The following SCAI variants were observed in gnomAD, a reference collection of about 807,000 sequenced individuals.
The protein encoded by SCAI is protein SCAI.
In SCAI, 24 loss-of-function variants were observed where a neutral mutation model predicts 92.2. The ratio of observed to expected loss-of-function variants is 0.26; its 90% CI spans 0.19 to 0.37. The LOEUF (loss-of-function observed/expected upper bound fraction) is 0.37. Ranked by LOEUF, SCAI falls within the 10% of genes least tolerant of loss-of-function variation. The probability of loss-of-function intolerance (pLI) is 1.00; values close to 1 mark genes in which losing one functional copy is unlikely to be tolerated. For missense variants in SCAI, 450 were observed against 736.2 expected, an observed-to-expected ratio of 0.61 and a Z score of 4.50; for synonymous variants, 261 against 258.6, an observed-to-expected ratio of 1.01 and a Z score of -0.09.
chr9:125,073,809 G>A (rs1481422362), intron 2 of SCAI, among the ~76,000 whole-genome samples: 1 of 152,130 alleles, frequency 6.6e-6, no homozygotes, highest in Non-Finnish European at 1.5e-5. Flanking sequence ...GAAGAGTACA[G>A]GATTTAATCA....
intron 2 of SCAI, among the ~76,000 whole-genome samples, chr9:125,086,945 C>T (rs761217168): frequency 1.3e-5 from 2 of 152,138 alleles, no homozygotes; most frequent in Non-Finnish European, 2.9e-5. Context: ...GTCTGGCATA[C>T]ATTAAATGTT....
At chr9:124,995,885 C>T (rs1019814454) in intron 13 of SCAI, among the ~76,000 whole-genome samples, 6 of 151,966 alleles carry the variant, frequency 3.9e-5, no homozygotes, top group South Asian at 2.1e-4. Context: ...AACCCAAAGG[C>T]GGAAATCCAG....
intron 3 of SCAI, among the ~76,000 whole-genome samples, chr9:125,036,472 T>C (rs371469): frequency 0.025 from 3,828 of 152,168 alleles, 145 homozygotes; most frequent in African/African-American, 0.087. Context: ...CCAGGAAAAC[T>C]AAAATCAGAA....
intron 2 of SCAI, among the ~76,000 whole-genome samples, chr9:125,093,163 C>T (rs539595924): frequency 6.6e-5 from 10 of 152,254 alleles, no homozygotes; most frequent in Middle Eastern, 3.4e-3. Flanking sequence ...GAGTTCAAGA[C>T]CAGCCTGGCT....
chr9:125,042,164 G>A (rs1032602357), intron 3 of SCAI, among the ~76,000 whole-genome samples: 2 of 152,190 alleles, frequency 1.3e-5, no homozygotes, highest in African/African-American at 4.8e-5. Flanking sequence ...AGGCAGCTAT[G>A]TTATGAATTA....
intron 2 of SCAI, among the ~76,000 whole-genome samples, chr9:125,059,042 G>A (rs2131141898): frequency 6.6e-6 from 1 of 152,318 alleles, no homozygotes; most frequent in East Asian, 1.9e-4. Flanking sequence ...GAATGGGATA[G>A]TTTCAGAATA....
intron 2 of SCAI, among the ~76,000 whole-genome samples, chr9:125,132,696 C>A (rs1347735052): frequency 6.6e-6 from 1 of 151,892 alleles, no homozygotes; most frequent in Admixed American, 6.6e-5. Context: ...CAGGCTGGTG[C>A]GGTGGCTCAT....
At chr9:125,124,992 G>A (rs573108376) in intron 2 of SCAI, among the ~76,000 whole-genome samples, 2 of 152,318 alleles carry the variant, frequency 1.3e-5, no homozygotes, top group South Asian at 4.1e-4. Context: ...AGGCCAAGGT[G>A]GGCAGATCAC....
intron 2 of SCAI, among the ~76,000 whole-genome samples, chr9:125,099,435 A>AGG (rs1834633175): frequency 6.6e-6 from 1 of 152,004 alleles, no homozygotes; most frequent in Non-Finnish European, 1.5e-5. Context: ...GTGCGCTACC[A>AGG]TGCCTGGCTA....
chr9:125,083,876 TG>T (rs1256067151), intron 2 of SCAI, among the ~76,000 whole-genome samples: 1 of 151,982 alleles, frequency 6.6e-6, no homozygotes, highest in Non-Finnish European at 1.5e-5. Flanking sequence ...AGAAGTACTA[TG>T]AAAAAAGTAC....
chr9:124,968,207 G>A (rs750612796), intron 17 of SCAI: 25 of 817,322 alleles, frequency 3.1e-5, no homozygotes, highest in Admixed American at 8.3e-5. Flanking sequence ...AACAAAAAAC[G>A]AAAAACAAAA....
At chr9:125,100,021 T>C (rs900686888) in intron 2 of SCAI, among the ~76,000 whole-genome samples, 2 of 152,266 alleles carry the variant, frequency 1.3e-5, no homozygotes, top group African/African-American at 4.8e-5. Flanking sequence ...TCTGTTCAAG[T>C]ACCTGCTTTC....
intron 2 of SCAI, among the ~76,000 whole-genome samples, chr9:125,083,517 C>CAAA (rs560240303): frequency 2.7e-4 from 13 of 49,050 alleles, no homozygotes; most frequent in East Asian, 6.8e-4. Flanking sequence ...GACTCCATCT[C>CAAA]AAAAAAAAAA....
At chr9:125,013,821 C>T (rs1162562523) in intron 9 of SCAI, among the ~76,000 whole-genome samples, 1 of 152,072 alleles carries the variant, frequency 6.6e-6, no homozygotes, top group Non-Finnish European at 1.5e-5. Context: ...CATCAAAAAG[C>T]TTATCCACCA....
intron 2 of SCAI, among the ~76,000 whole-genome samples, chr9:125,139,059 A>G (rs1485589004): frequency 6.6e-6 from 1 of 152,146 alleles, no homozygotes; most frequent in Admixed American, 6.6e-5. Flanking sequence ...GTCTTAAAGG[A>G]GGGGGCTTGT....
intron 17 of SCAI, among the ~76,000 whole-genome samples, chr9:124,953,580 C>A (rs1831266878): frequency 6.6e-6 from 1 of 152,126 alleles, no homozygotes; most frequent in African/African-American, 2.4e-5. Flanking sequence ...GAGTTGAGAT[C>A]ACGCCATTGC....
At chr9:124,953,587 T>C (rs933889096) in intron 17 of SCAI, among the ~76,000 whole-genome samples, 12 of 152,018 alleles carry the variant, frequency 7.9e-5, no homozygotes, top group African/African-American at 1.2e-4. Context: ...GATCACGCCA[T>C]TGCACTCCAG....
intron 3 of SCAI, among the ~76,000 whole-genome samples, chr9:125,037,423 GAAAAGAAAAGAA>G (rs1833222017): frequency 6.9e-6 from 1 of 144,634 alleles, no homozygotes; most frequent in South Asian, 2.2e-4. Flanking sequence ...AAAAAAAAAA[GAAAAGAAAAGAA>G]AGAAGAAAAA....
intron 2 of SCAI, among the ~76,000 whole-genome samples, chr9:125,085,224 T>G (rs1486052943): frequency 6.6e-6 from 1 of 152,224 alleles, no homozygotes; most frequent in Non-Finnish European, 1.5e-5. Flanking sequence ...CGGTGGCTTA[T>G]GCCTGTAATC....
Sources: allele counts gnomAD v4.1 joint callset (sites outside exome capture counted in the v4.1 genomes callset), GRCh38; gene constraint gnomAD v4.1.1; transcripts MANE v1.5; gene names NCBI Gene and HGNC (gene_info 2026-07-23, HGNC 2026-07-21).